Variants in GPC5 observed in about 807,000 individuals in gnomAD.
The protein encoded by GPC5 is glypican-5.
A neutral mutation model predicts 53.9 loss-of-function variants in GPC5; 47 were observed. The observed-to-expected ratio is 0.87, with a 90% CI of 0.69 to 1.11. The LOEUF is 1.11. Ranked by LOEUF, GPC5 falls within the 50% of genes most tolerant of loss-of-function variation. The pLI is 0.00. For synonymous variants in GPC5, 286 were observed against 263.3 expected, an observed-to-expected ratio of 1.09 and a Z score of -0.84; for missense variants, 748 against 713.1, an observed-to-expected ratio of 1.05 and a Z score of -0.56.
chr13:91,555,221 A>T (rs977107472), intron 2 of GPC5, among the ~76,000 whole-genome samples: 7 of 151,990 alleles, frequency 4.6e-5, no homozygotes, highest in African/African-American at 1.7e-4. Flanking sequence ...GTGTAGGAAA[A>T]CGGCCTGGCC....
intron 6 of GPC5, among the ~76,000 whole-genome samples, chr13:91,968,747 C>T (rs1405902072): frequency 1.3e-5 from 2 of 152,122 alleles, no homozygotes; most frequent in African/African-American, 2.4e-5. Flanking sequence ...CAGGCGTGAG[C>T]CACTGCGCCC....
chr13:92,187,832 G>C (rs2042194910), intron 7 of GPC5, among the ~76,000 whole-genome samples: 1 of 152,156 alleles, frequency 6.6e-6, no homozygotes, highest in South Asian at 2.1e-4. Context: ...TCATTGTTCA[G>C]TACAATATTC....
chr13:91,571,923 GTATATATACACACA>G lies in GPC5; in HGVS notation c.326-121262_326-121249del, dbSNP rs1566516192. ...CACATATTGTATATATACACATATT[GTATATATACACACA>G]TGTATATACATATACACACATATAT... is the stretch of plus-strand genomic sequence containing the variant. On this transcript the variant is annotated intron_variant, in intron 2 of 7. Coordinates refer to ENST00000377067, the MANE Select transcript of GPC5 (RefSeq NM_004466.6). Among the ~76,000 whole-genome samples the G allele has an allele frequency of 3.5e-4, 38 of 109,650 alleles. 1 individual carries two copies. Among genetic ancestry groups the G allele is most frequent in the South Asian group, 6.8e-4 (2 of 2,946 alleles). The allele number at this position is 109,650 out of a possible 152,430, so 71.9% of individuals were successfully genotyped here.
chr13:92,374,375 TA>T (rs1482065277), intron 7 of GPC5, among the ~76,000 whole-genome samples: 2 of 152,116 alleles, frequency 1.3e-5, no homozygotes, highest in African/African-American at 2.4e-5. Context: ...TTCTGTAATG[TA>T]AATACTTCCA....
chr13:92,215,912 C>T (rs2139080958), intron 7 of GPC5, among the ~76,000 whole-genome samples: 1 of 152,110 alleles, frequency 6.6e-6, no homozygotes, highest in East Asian at 1.9e-4. Context: ...GGTCACCCCT[C>T]CTTAGCTCAG....
At chr13:92,791,614 C>G (rs951254025) in intron 7 of GPC5, among the ~76,000 whole-genome samples, 4 of 151,826 alleles carry the variant, frequency 2.6e-5, no homozygotes, top group African/African-American at 4.8e-5. Context: ...ACAGTAATAA[C>G]ATACTCCTCC....
At chr13:91,523,319 T>C (rs76884381) in intron 2 of GPC5, among the ~76,000 whole-genome samples, 96 of 152,284 alleles carry the variant, frequency 6.3e-4, no homozygotes, top group African/African-American at 2.1e-3. Context: ...TTGTATACAA[T>C]AGCTAAGGCA....
intron 7 of GPC5, among the ~76,000 whole-genome samples, chr13:92,475,583 C>T (rs149355852): frequency 0.03 from 4,494 of 152,054 alleles, 76 homozygotes; most frequent in Middle Eastern, 0.037. Flanking sequence ...AGTTGCTTAT[C>T]AGCTTAAAGG....
At chr13:92,582,510 G>C (rs754469981) in intron 7 of GPC5, among the ~76,000 whole-genome samples, 1 of 151,908 alleles carries the variant, frequency 6.6e-6, no homozygotes, top group Non-Finnish European at 1.5e-5. Flanking sequence ...ATAAATTTTA[G>C]GATTTATTTT....
chr13:91,814,651 C>T (rs1367435927), intron 5 of GPC5, among the ~76,000 whole-genome samples: 1 of 152,116 alleles, frequency 6.6e-6, no homozygotes, highest in Non-Finnish European at 1.5e-5. Flanking sequence ...AGCGATTCTT[C>T]TGTCTCAGCC....
intron 6 of GPC5, among the ~76,000 whole-genome samples, chr13:92,066,190 G>A (rs1476540617): frequency 2.0e-5 from 3 of 151,988 alleles, no homozygotes; most frequent in Non-Finnish European, 4.4e-5. Context: ...TTGAAAATAG[G>A]AAAAGTTGCT....
At chr13:92,367,009 C>A (rs927477506) in intron 7 of GPC5, among the ~76,000 whole-genome samples, 3 of 152,078 alleles carry the variant, frequency 2.0e-5, no homozygotes, top group Non-Finnish European at 2.9e-5. Context: ...TTGAATTTGT[C>A]CAGACTGAAT....
chr13:92,165,071 G>C (rs913519444), intron 7 of GPC5, among the ~76,000 whole-genome samples: 1 of 150,828 alleles, frequency 6.6e-6, no homozygotes, highest in Non-Finnish European at 1.5e-5. Flanking sequence ...GATCCTCTAG[G>C]CCTGTGATGG....
intron 6 of GPC5, among the ~76,000 whole-genome samples, chr13:91,955,527 C>T (rs917563550): frequency 6.6e-6 from 1 of 151,850 alleles, no homozygotes; most frequent in African/African-American, 2.4e-5. Context: ...AGCAAGGCAG[C>T]CTGGTTAGCC....
At chr13:92,280,319 T>TGTAG (rs1189786890) in intron 7 of GPC5, among the ~76,000 whole-genome samples, 1 of 152,208 alleles carries the variant, frequency 6.6e-6, no homozygotes, top group Non-Finnish European at 1.5e-5. Flanking sequence ...TGGTTTTGTA[T>TGTAG]GTAGCCTCTA....
intron 6 of GPC5, among the ~76,000 whole-genome samples, chr13:92,060,396 C>G (rs945913591): frequency 6.6e-6 from 1 of 151,928 alleles, no homozygotes; most frequent in Non-Finnish European, 1.5e-5. Context: ...TAACCATATA[C>G]AGTACAAAAA....
chr13:92,475,143 C>A (rs1879058639), intron 7 of GPC5, among the ~76,000 whole-genome samples: 1 of 151,982 alleles, frequency 6.6e-6, no homozygotes, highest in Non-Finnish European at 1.5e-5. Flanking sequence ...TGTGATGCTT[C>A]CAGCTTTGTT....
At chr13:92,599,371 C>T (rs774651368) in intron 7 of GPC5, among the ~76,000 whole-genome samples, 23 of 152,154 alleles carry the variant, frequency 1.5e-4, no homozygotes, top group Non-Finnish European at 2.2e-4. Flanking sequence ...TGAGAAAAGT[C>T]GGCTTGAAGA....
intron 5 of GPC5, among the ~76,000 whole-genome samples, chr13:91,800,903 G>C (rs1322975957): frequency 6.6e-6 from 1 of 151,904 alleles, no homozygotes; most frequent in Non-Finnish European, 1.5e-5. Flanking sequence ...TAAATGGCTG[G>C]TGTATCTTGA....
Sources: allele counts gnomAD v4.1 joint callset (sites outside exome capture counted in the v4.1 genomes callset), GRCh38; gene constraint gnomAD v4.1.1; transcripts MANE v1.5; gene names NCBI Gene and HGNC (gene_info 2026-07-23, HGNC 2026-07-21).